Variants in CERS3 observed in about 807,000 individuals in gnomAD.
CERS3 encodes the protein ceramide synthase 3.
A neutral mutation model predicts 50.3 loss-of-function variants in CERS3; 33 were observed. The observed-to-expected ratio is 0.66, with a 90% confidence interval of 0.50 to 0.88. The LOEUF (loss-of-function observed/expected upper bound fraction) is 0.88, where lower values mean the gene tolerates loss of function less well. CERS3 is among the 40% of genes least tolerant of loss of function. CERS3 has a pLI of 0.00. For missense variants in CERS3, 470 were observed against 460.3 expected (o/e 1.02, Z -0.19); for synonymous variants, 176 against 155.2 (o/e 1.13, Z -0.99).
intron 11 of CERS3, among the ~76,000 whole-genome samples, chr15:100,433,288 A>G (rs920931561): frequency 2.6e-5 from 4 of 151,844 alleles, no homozygotes; most frequent in Non-Finnish European, 4.4e-5. Context: ...AAATGACTTG[A>G]GGACTTCTGG....
chr15:100,472,842 A>G, intron 9 of CERS3, 82 bp downstream of exon 9: 1 of 1,546,380 alleles, frequency 6.5e-7, no homozygotes, highest in Non-Finnish European at 8.9e-7. Context: ...GCTCTGCTAA[A>G]TTGCTCACAA....
intron 1 of CERS3, among the ~76,000 whole-genome samples, chr15:100,526,709 A>T (rs551141662): frequency 4.6e-5 from 7 of 152,086 alleles, no homozygotes; most frequent in Admixed American, 4.6e-4. Flanking sequence ...AAGAAAGTAC[A>T]CTAGGATATA....
At chr15:100,464,092 T>G (rs2034636720) in intron 10 of CERS3, among the ~76,000 whole-genome samples, 1 of 152,190 alleles carries the variant, frequency 6.6e-6, no homozygotes, top group Admixed American at 6.6e-5. Context: ...GGGTACCATT[T>G]TTCTACACTT....
At chr15:100,459,899 C>T (rs188205315) in intron 10 of CERS3, among the ~76,000 whole-genome samples, 43 of 152,042 alleles carry the variant, frequency 2.8e-4, no homozygotes, top group Non-Finnish European at 3.7e-4. Flanking sequence ...TTATTTTACT[C>T]GGCTACTTTT....
chr15:100,439,118 T>A (rs1567615336), intron 11 of CERS3, among the ~76,000 whole-genome samples: 1 of 152,182 alleles, frequency 6.6e-6, no homozygotes, highest in Non-Finnish European at 1.5e-5. Flanking sequence ...AGCAGCAGGA[T>A]GCCTGCTAAG....
chr15:100,474,695 G>C (rs183433847), intron 8 of CERS3, among the ~76,000 whole-genome samples: 1 of 152,202 alleles, frequency 6.6e-6, no homozygotes, highest in Admixed American at 6.5e-5. Context: ...GAGCCTCTGC[G>C]CCCAGCCTCA....
At chr15:100,405,825 T>A (rs2030981607) in intron 11 of CERS3, among the ~76,000 whole-genome samples, 1 of 152,214 alleles carries the variant, frequency 6.6e-6, no homozygotes, top group African/African-American at 2.4e-5. Flanking sequence ...TTCCTGATAA[T>A]AATTTTAAAA....
In CERS3 at chr15:100,501,751, A is replaced by G. The variant is rs1435977490; in HGVS notation, c.99T>C (p.Phe33=). ...SDLEDHDGLV[F]VKPSHLYVTI... ...TCACGTATAAATGAGAAGGTTTTAC[A>G]AAGACGAGTCCATCGTGATCCTCAA... The change falls in exon 3 of 12, where the codon TTT becomes TTC. Residue 33 remains phenylalanine, a synonymous_variant. Coordinates refer to ENST00000679737, the MANE Select transcript of CERS3 (RefSeq NM_001378789.1). 1.2e-6 allele frequency: 2 copies of G among 1,614,156 alleles called. No individual in the cohort carries two copies. The highest frequency in any genetic ancestry group is 1.7e-6 in the Non-Finnish European group (2 of 1,179,968).
chr15:100,504,360 C>G (rs1036186187), intron 2 of CERS3, among the ~76,000 whole-genome samples: 4 of 151,466 alleles, frequency 2.6e-5, no homozygotes, highest in African/African-American at 9.7e-5. Context: ...TCTCCTGCCT[C>G]AGCCTCCCAA....
chr15:100,402,428 T>C lies in CERS3; in HGVS notation c.*285A>G. On this transcript the variant is annotated 3_prime_UTR_variant, in exon 12 of 12. Transcript: ENST00000679737. Reference sequence around the variant, plus strand: ...ATAACAAAGCGAGCCCCTGAGAAAGTGACATGCATGAGGGAGTGCAATTAG... The same window carrying C: ...ATAACAAAGCGAGCCCCTGAGAAAGCGACATGCATGAGGGAGTGCAATTAG... The C allele has an allele frequency of 2.8e-6, 1 of 360,514 alleles. No individual in the cohort carries two copies. Among genetic ancestry groups the C allele is most frequent in the South Asian group, 4.7e-5 (1 of 21,314 alleles). The allele number at this position is 360,514 out of a possible 1,614,324, so 22.3% of individuals were successfully genotyped here.
rs375198987 is a variant in CERS3, at chr15:100,417,196, A to G, written c.1000-14331T>C. 4.4e-3 allele frequency among the ~76,000 whole-genome samples: 673 copies of G among 151,718 alleles called. 11 individuals are homozygous for G. Among genetic ancestry groups the G allele is most frequent in the African/African-American group, 0.015 (636 of 41,312 alleles). Reference sequence around the variant, plus strand: ...CAGGTTCATCTCACTAGGGAGTGCCAGACAGTGGGCGCAGGTCAGTGGGTG... The same window carrying G: ...CAGGTTCATCTCACTAGGGAGTGCCGGACAGTGGGCGCAGGTCAGTGGGTG... On this transcript the variant is annotated intron_variant, in intron 11 of 11. Transcript: ENST00000679737.
At chr15:100,492,408 A>G (rs1382587181) in intron 3 of CERS3, among the ~76,000 whole-genome samples, 1 of 152,214 alleles carries the variant, frequency 6.6e-6, no homozygotes, top group Non-Finnish European at 1.5e-5. Flanking sequence ...TATGTTTACA[A>G]TTGTTATATC....
intron 11 of CERS3, among the ~76,000 whole-genome samples, chr15:100,445,734 T>C (rs898307321): frequency 6.6e-6 from 1 of 152,088 alleles, no homozygotes; most frequent in Non-Finnish European, 1.5e-5. Flanking sequence ...TCCCCCAAAA[T>C]TTTCACCGTC....
chr15:100,484,988 C>A (rs78067570), intron 4 of CERS3, among the ~76,000 whole-genome samples: 1 of 152,148 alleles, frequency 6.6e-6, no homozygotes, highest in Non-Finnish European at 1.5e-5. Context: ...ACTTCCCAGG[C>A]GCCAGGTAGA....
intron 2 of CERS3, among the ~76,000 whole-genome samples, chr15:100,506,456 T>G (rs1233702711): frequency 1.0e-5 from 1 of 98,546 alleles, no homozygotes; most frequent in African/African-American, 3.9e-5. Flanking sequence ...TGTGAAGAAA[T>G]CGGGACCCCC....
intron 11 of CERS3, among the ~76,000 whole-genome samples, chr15:100,445,152 T>A (rs1400344555): frequency 4.6e-5 from 7 of 151,256 alleles, no homozygotes; most frequent in African/African-American, 1.5e-4. Context: ...CCATTTGAGC[T>A]CCTGTATAGA....
intron 11 of CERS3, among the ~76,000 whole-genome samples, chr15:100,406,048 G>A (rs1200649211): frequency 6.6e-6 from 1 of 152,146 alleles, no homozygotes; most frequent in Non-Finnish European, 1.5e-5. Flanking sequence ...CTCTCATGGT[G>A]TCTCAAAGTA....
chr15:100,526,236 T>G (rs920291711), intron 1 of CERS3, among the ~76,000 whole-genome samples: 1 of 152,228 alleles, frequency 6.6e-6, no homozygotes, highest in Admixed American at 6.5e-5. Flanking sequence ...GGTGTACACC[T>G]GCAGGTCAAT....
intron 11 of CERS3, among the ~76,000 whole-genome samples, chr15:100,433,027 G>C (rs2033212018): frequency 6.6e-6 from 1 of 151,952 alleles, no homozygotes; most frequent in Non-Finnish European, 1.5e-5. Context: ...ATGAGGTCAG[G>C]AGATCGAGAC....
Sources: gnomAD v4.1 joint callset for allele counts (sites outside exome capture counted in the v4.1 genomes callset) on GRCh38, gnomAD v4.1.1 for gene constraint, MANE v1.5 for transcripts, NCBI Gene and HGNC (gene_info 2026-07-23, HGNC 2026-07-21) for gene names.